Variants in PCDHGA10 observed in about 807,000 individuals in gnomAD.
The protein encoded by PCDHGA10 is protocadherin gamma subfamily A, 10.
Under a neutral mutation model 59.5 loss-of-function variants are expected in PCDHGA10, and 42 were observed. That is an observed-to-expected ratio of 0.71 (90% confidence interval 0.55 to 0.91). The LOEUF (loss-of-function observed/expected upper bound fraction) is 0.91. Ranked by LOEUF, PCDHGA10 falls within the 40% of genes least tolerant of loss-of-function variation. The pLI, the probability that PCDHGA10 is intolerant of heterozygous loss-of-function variation, is 0.00. For synonymous variants in PCDHGA10, 511 were observed against 517.2 expected (o/e 0.99, Z 0.16); for missense variants, 1,111 against 1,198.2 (o/e 0.93, Z 1.07).
chr5:141,418,095 C>T, intron 1 of PCDHGA10: 1 of 1,614,006 alleles, frequency 6.2e-7, no homozygotes, highest in Non-Finnish European at 8.5e-7. Context: ...AGCGTAGACG[C>T]GCAGAGCGGG....
At chr5:141,503,801 G>A (rs920669425) in intron 2 of PCDHGA10, among the ~76,000 whole-genome samples, 1 of 151,990 alleles carries the variant, frequency 6.6e-6, no homozygotes, top group Admixed American at 6.6e-5. Flanking sequence ...ACTTAGGGAC[G>A]GGGAATCCCA....
Position 141,415,552 on chromosome 5 carries a change from G to A in PCDHGA10, c.2377G>A (p.Asp793Asn). 6.2e-7 allele frequency: 1 copy of A among 1,614,098 alleles called. No individual in the cohort carries two copies. Among genetic ancestry groups the A allele is most frequent in the Admixed American group, 1.7e-5 (1 of 60,014 alleles). The part of the protein sequence containing the change: ...LISQESCEKN[D>N]PLSLLDDSKF... ...CAGCCAGGAGAGCTGTGAGAAAAAC[G>A]ATCCTTTGTCTTTGTTAGATGATTC... Residue 793 changes from aspartate to asparagine, a missense_variant, in exon 1 of 4, where the codon GAT becomes AAT. Asp to Asn is a conservative substitution (Grantham distance 23). Transcript: ENST00000398610.
At chr5:141,420,453 C>A (rs1026053173) in intron 1 of PCDHGA10, 76 of 977,580 alleles carry the variant, frequency 7.8e-5, no homozygotes, top group Non-Finnish European at 8.8e-5. Context: ...AGTCTTCCTA[C>A]TATTCAAAGA....
intron 1 of PCDHGA10, among the ~76,000 whole-genome samples, chr5:141,488,493 C>T (rs1594759823): frequency 6.6e-6 from 1 of 152,226 alleles, no homozygotes; most frequent in East Asian, 1.9e-4. Context: ...AAAACTGTAA[C>T]ACTCATTCCA....
In PCDHGA10 at chr5:141,487,743, G is replaced by C. The variant is rs1424889718; in HGVS notation, c.2437-7064G>C. The C allele has an allele frequency of 1.9e-6, 3 of 1,559,988 alleles. No homozygotes were observed. Among genetic ancestry groups the C allele is most frequent in the Non-Finnish European group, 2.6e-6 (3 of 1,150,774 alleles). ...AGTGATGTCACCATTTTTGTAAGAG[G>C]TAACTATGTGGTAGACGCTGTGCTT... On this transcript the variant is annotated intron_variant, in intron 1 of 3. Transcript: ENST00000398610. The surrounding 1 kb of genome is among the most constrained non-coding windows in gnomAD (Gnocchi z 5.0).
At chr5:141,420,006 GAC>G (rs745722189) in intron 1 of PCDHGA10, 1 of 1,613,936 alleles carries the variant, frequency 6.2e-7, no homozygotes, top group African/African-American at 1.3e-5. Flanking sequence ...CTACGCCTGC[GAC>G]AGTCTTTCAG....
At chr5:141,439,432 A>C (rs537630916) in intron 1 of PCDHGA10, among the ~76,000 whole-genome samples, 1 of 152,326 alleles carries the variant, frequency 6.6e-6, no homozygotes, top group African/African-American at 2.4e-5. Flanking sequence ...AATTCCCAGG[A>C]ATATTTTATT....
intron 1 of PCDHGA10, chr5:141,418,494 T>TGATGGTGGG: frequency 6.2e-7 from 1 of 1,614,020 alleles, no homozygotes; most frequent in Non-Finnish European, 8.5e-7. Context: ...CACTTGGTAC[T>TGATGGTGGG]GACCGCCTTA....
At chr5:141,423,248 C>A in intron 1 of PCDHGA10, 1 of 1,613,888 alleles carries the variant, frequency 6.2e-7, no homozygotes, top group Non-Finnish European at 8.5e-7. Context: ...GAAGTCCTGG[C>A]GGACCTCGGC....
Position 141,462,070 on chromosome 5 carries a change from G to A in PCDHGA10, c.2437-32737G>A, listed in dbSNP as rs572217894. Among the ~76,000 whole-genome samples the A allele has an allele frequency of 2.6e-5, 4 of 152,196 alleles. No homozygotes were observed. In the East Asian group the frequency reaches 7.7e-4, roughly 29 times the overall value. Reference sequence around the variant, plus strand: ...ACTCCCGACCTCAGGTGATCTGCCCGCCTTGGCCTCCCAAAATGCTGGGAT... The same window carrying A: ...ACTCCCGACCTCAGGTGATCTGCCCACCTTGGCCTCCCAAAATGCTGGGAT... On this transcript the variant is annotated intron_variant, in intron 1 of 3. Transcript: ENST00000398610.
chr5:141,491,549 A>T lies in PCDHGA10; in HGVS notation c.2437-3258A>T, dbSNP rs748281587. 18 of 1,613,860 alleles carry T rather than the reference A, an allele frequency of 1.1e-5. No homozygotes were observed. In the East Asian group the frequency reaches 3.8e-4, roughly 34 times the overall value. On this transcript the variant is annotated intron_variant, in intron 1 of 3. Coordinates refer to ENST00000398610, the MANE Select transcript of PCDHGA10 (RefSeq NM_018913.3). This position sits in a 1 kb window ranked among gnomAD's most constrained non-coding sequence, Gnocchi z 6.9. Reference sequence around the variant, plus strand: ...GTGACGCTGCGGCCCACAGACTCGCAGAGCCACTGCTACAGGACGTGCTTT... The same window carrying T: ...GTGACGCTGCGGCCCACAGACTCGCTGAGCCACTGCTACAGGACGTGCTTT...
At chr5:141,462,823 G>A (rs1420321501) in intron 1 of PCDHGA10, among the ~76,000 whole-genome samples, 1 of 152,170 alleles carries the variant, frequency 6.6e-6, no homozygotes, top group African/African-American at 2.4e-5. Flanking sequence ...TTGGACAGCA[G>A]ACATTGTAAA....
Position 141,464,048 on chromosome 5 carries a change from T to G in PCDHGA10, c.2437-30759T>G, listed in dbSNP as rs377735829. Reference sequence around the variant, plus strand: ...GGGAGGCCAAGGCGGGTGGATCACCTGAGGTCAGGAGTTCAAGGCCAGCCT... The same window carrying G: ...GGGAGGCCAAGGCGGGTGGATCACCGGAGGTCAGGAGTTCAAGGCCAGCCT... On this transcript the variant is annotated intron_variant, in intron 1 of 3. Transcript: ENST00000398610. 1.2e-4 allele frequency among the ~76,000 whole-genome samples: 18 copies of G among 152,260 alleles called. No individual in the cohort carries two copies. In the East Asian group the frequency reaches 3.5e-3, roughly 29 times the overall value.
At chr5:141,419,826 C>T in intron 1 of PCDHGA10, 1 of 1,614,066 alleles carries the variant, frequency 6.2e-7, no homozygotes, top group Non-Finnish European at 8.5e-7. Flanking sequence ...CCCCTTTCAG[C>T]CACTGCCACG....
intron 1 of PCDHGA10, chr5:141,419,006 A>T: frequency 6.2e-7 from 1 of 1,614,006 alleles, no homozygotes. Context: ...TGGGGAAGTC[A>T]GGTGTAGCTT....
At chr5:141,502,472 A>T (rs1450967250) in intron 2 of PCDHGA10, among the ~76,000 whole-genome samples, 1 of 150,886 alleles carries the variant, frequency 6.6e-6, no homozygotes, top group Non-Finnish European at 1.5e-5. Flanking sequence ...TACTTCCCGC[A>T]GCATCACACT....
intron 3 of PCDHGA10, among the ~76,000 whole-genome samples, chr5:141,507,893 G>C (rs750472786): frequency 2.2e-4 from 33 of 152,356 alleles, no homozygotes; most frequent in Non-Finnish European, 4.1e-4. Context: ...AGAGGTTCCT[G>C]AAGTCCAGCC....
In PCDHGA10 at chr5:141,415,739, GGTTTTT is replaced by G; in HGVS notation, c.2436+129_2436+134del. On this transcript the variant is annotated intron_variant, in intron 1 of 3. Coordinates refer to ENST00000398610, the MANE Select transcript of PCDHGA10 (RefSeq NM_018913.3). ...ATGAGTAGAATTTGATGTTTATTAA[GGTTTTT>G]TTTTTTTTTTTTTTTTTTTTTTTTT... is the stretch of plus-strand genomic sequence containing the variant. 1.4e-4 allele frequency: 59 copies of G among 434,890 alleles called. 1 individual carries two copies. The African/African-American group carries it at 1.6e-3, about 12-fold the overall frequency. The allele number at this position is 434,890 out of a possible 1,614,324, so 26.9% of individuals were successfully genotyped here.
chr5:141,421,243 C>T (rs201273667), intron 1 of PCDHGA10: 12 of 1,601,540 alleles, frequency 7.5e-6, no homozygotes, highest in Non-Finnish European at 1.0e-5. Flanking sequence ...GAATCGGCTA[C>T]AGCGCGGGGA....
Sources: allele counts gnomAD v4.1 joint callset (sites outside exome capture counted in the v4.1 genomes callset), GRCh38; gene constraint gnomAD v4.1.1; non-coding constraint Gnocchi (gnomAD v3.1); transcripts MANE v1.5; gene names NCBI Gene and HGNC (gene_info 2026-07-23, HGNC 2026-07-21).